The following TMEM132D variants were observed in gnomAD, a reference collection of about 807,000 sequenced individuals.
TMEM132D encodes mature OL transmembrane protein.
Under a neutral mutation model 62.3 loss-of-function variants are expected in TMEM132D, and 21 were observed. The observed-to-expected ratio is 0.34, with a 90% CI of 0.24 to 0.49. The LOEUF (loss-of-function observed/expected upper bound fraction) is 0.49. Among genes scored for constraint, TMEM132D ranks in the 20% least tolerant of loss-of-function variants. The probability of loss-of-function intolerance (pLI) is 0.99; values close to 1 mark genes in which losing one functional copy is unlikely to be tolerated. For synonymous variants in TMEM132D, 621 were observed against 575.6 expected, an observed-to-expected ratio of 1.08 and a Z score of -1.13; for missense variants, 1,346 against 1,402.8, an observed-to-expected ratio of 0.96 and a Z score of 0.65.
intron 2 of TMEM132D, among the ~76,000 whole-genome samples, chr12:129,669,661 T>C (rs1880455441): frequency 6.6e-6 from 1 of 152,086 alleles, no homozygotes; most frequent in South Asian, 2.1e-4. Context: ...GCCAAGATTA[T>C]GCCACTGCAC....
rs115947334 is a variant in TMEM132D, at chr12:129,578,672, G to T, written c.969-47467C>A. Among the ~76,000 whole-genome samples the T allele has an allele frequency of 4.1e-3, 622 of 152,148 alleles. 2 individuals are homozygous for T. The highest frequency in any genetic ancestry group is 0.014 in the African/African-American group (600 of 41,492). ...GACCCAGGAAAGGTGGTGATATCACGTGAAGGCCAGAGAACTGGGGAGCTA... is the reference window on the plus strand; with the variant it reads ...GACCCAGGAAAGGTGGTGATATCACTTGAAGGCCAGAGAACTGGGGAGCTA... On this transcript the variant is annotated intron_variant, in intron 2 of 8. Coordinates refer to ENST00000422113, the MANE Select transcript of TMEM132D (RefSeq NM_133448.3).
chr12:129,819,510 C>T (rs560331251), intron 1 of TMEM132D, among the ~76,000 whole-genome samples: 277 of 152,280 alleles, frequency 1.8e-3, no homozygotes, highest in Non-Finnish European at 3.4e-3. Flanking sequence ...GTTCTTCCTG[C>T]GGCATTCAGC....
At position 129,074,762 on chromosome 12, in the gene TMEM132D, T is replaced by A; in HGVS notation, c.2413A>T (p.Asn805Tyr). ...VKFGQNDANP[N>Y]TSDSRHTGAG... The stretch of plus-strand genomic sequence containing the variant: ...CCTGTGTGTCTGCTGTCACTGGTGT[T>A]GGGGTTAGCATCGTTTTGGCCAAAT... Residue 805 changes from asparagine to tyrosine, a missense_variant, in exon 9 of 9, where the codon AAC (asparagine) becomes TAC (tyrosine). Physicochemically the swap from Asn to Tyr is moderately radical, Grantham distance 143 (BLOSUM62 -2). Coordinates refer to ENST00000422113, the MANE Select transcript of TMEM132D (RefSeq NM_133448.3). 6 of 1,614,158 alleles carry A rather than the reference T, an allele frequency of 3.7e-6. No individual in the cohort carries two copies. The highest frequency in any genetic ancestry group is 5.1e-6 in the Non-Finnish European group (6 of 1,180,028).
At chr12:129,127,096 C>T (rs549962563) in intron 5 of TMEM132D, among the ~76,000 whole-genome samples, 4 of 152,184 alleles carry the variant, frequency 2.6e-5, no homozygotes, top group Admixed American at 1.3e-4. Context: ...AGTCTGAGAG[C>T]GAGAGAGCGG....
At chr12:129,209,460 A>G (rs1446094479) in intron 5 of TMEM132D, 60 bp downstream of exon 5, 4 of 1,601,220 alleles carry the variant, frequency 2.5e-6, no homozygotes, top group Non-Finnish European at 3.4e-6. Context: ...AAGCTGGTCC[A>G]GGAGCACAGA....
intron 1 of TMEM132D, among the ~76,000 whole-genome samples, chr12:129,716,340 A>G (rs979912569): frequency 2.0e-5 from 3 of 152,204 alleles, no homozygotes; most frequent in African/African-American, 4.8e-5. Context: ...GGAAAGGTCA[A>G]TGAGGTTCCC....
At chr12:129,264,904 G>T (rs1880645590) in intron 4 of TMEM132D, among the ~76,000 whole-genome samples, 1 of 152,100 alleles carries the variant, frequency 6.6e-6, no homozygotes, top group African/African-American at 2.4e-5. Flanking sequence ...ATGGACTTTG[G>T]GAACTTGGGG....
At chr12:129,151,211 CA>C (rs1877061001) in intron 5 of TMEM132D, among the ~76,000 whole-genome samples, 1 of 152,184 alleles carries the variant, frequency 6.6e-6, no homozygotes, top group African/African-American at 2.4e-5. Context: ...CTGCCTCTGC[CA>C]CAGCGATCCA....
At chr12:129,124,773 A>T (rs1330326989) in intron 5 of TMEM132D, among the ~76,000 whole-genome samples, 1 of 152,212 alleles carries the variant, frequency 6.6e-6, no homozygotes, top group Non-Finnish European at 1.5e-5. Flanking sequence ...TGCGGTGAAC[A>T]TCCTTGTACA....
At chr12:129,865,820 C>T (rs1302458251) in intron 1 of TMEM132D, among the ~76,000 whole-genome samples, 2 of 152,126 alleles carry the variant, frequency 1.3e-5, no homozygotes, top group Non-Finnish European at 2.9e-5. Flanking sequence ...ATTCAGCAGG[C>T]AAGGGAACAG....
chr12:129,129,761 A>G (rs1876317515), intron 5 of TMEM132D, among the ~76,000 whole-genome samples: 1 of 151,852 alleles, frequency 6.6e-6, no homozygotes, highest in Non-Finnish European at 1.5e-5. Context: ...GCATCTTTTC[A>G]TGTTCTTGTT....
intron 5 of TMEM132D, among the ~76,000 whole-genome samples, chr12:129,177,075 A>G (rs532460783): frequency 4.5e-4 from 69 of 152,316 alleles, no homozygotes; most frequent in Middle Eastern, 6.8e-3. Flanking sequence ...CTGAAAAGTA[A>G]CAGGCTAGCA....
chr12:129,351,866 ATACCAG>A (rs1485355765), intron 3 of TMEM132D, among the ~76,000 whole-genome samples: 8 of 152,172 alleles, frequency 5.3e-5, no homozygotes, highest in African/African-American at 1.9e-4. Flanking sequence ...AACCCTCACC[ATACCAG>A]TGCTCTCTGA....
intron 2 of TMEM132D, among the ~76,000 whole-genome samples, chr12:129,566,863 G>A (rs1286593009): frequency 1.3e-5 from 2 of 152,168 alleles, no homozygotes; most frequent in Admixed American, 6.6e-5. Context: ...TCCTGTCTAT[G>A]GAGTCCAGGT....
chr12:129,460,063 A>T (rs1593019117), intron 3 of TMEM132D, among the ~76,000 whole-genome samples: 1 of 152,192 alleles, frequency 6.6e-6, no homozygotes. Context: ...AGCAACAATG[A>T]CTCACTTTTG....
intron 3 of TMEM132D, among the ~76,000 whole-genome samples, chr12:129,462,945 C>T (rs1160003449): frequency 6.6e-6 from 1 of 152,132 alleles, no homozygotes; most frequent in Non-Finnish European, 1.5e-5. Flanking sequence ...GCCTGAGACT[C>T]AATGAACCCA....
chr12:129,628,186 T>C (rs1354794404), intron 2 of TMEM132D, among the ~76,000 whole-genome samples: 1 of 152,200 alleles, frequency 6.6e-6, no homozygotes. Flanking sequence ...AACAAGAATA[T>C]CACATGTGTT....
Position 129,439,299 on chromosome 12 carries a change from T to A in TMEM132D, c.1115+91760A>T, listed in dbSNP as rs548011769. Among the ~76,000 whole-genome samples, 9 of 152,342 alleles carry A rather than the reference T, an allele frequency of 5.9e-5. No homozygotes were observed. In the South Asian group the frequency reaches 1.9e-3, roughly 32 times the overall value. ...CTGTTTGTATTTTATTATGAGTCATTATTTTTAAACATTTAGTTTTTCCCT... is the reference window on the plus strand; with the variant it reads ...CTGTTTGTATTTTATTATGAGTCATAATTTTTAAACATTTAGTTTTTCCCT... On this transcript the variant is annotated intron_variant, in intron 3 of 8. Coordinates refer to ENST00000422113, the MANE Select transcript of TMEM132D (RefSeq NM_133448.3).
chr12:129,304,296 G>C (rs7978036), intron 4 of TMEM132D, among the ~76,000 whole-genome samples: 49,317 of 150,194 alleles, frequency 0.33, 8,528 homozygotes, highest in Non-Finnish European at 0.39. Flanking sequence ...CATATCCTCC[G>C]ATACCGTGCA....
Sources: allele counts gnomAD v4.1 joint callset (sites outside exome capture counted in the v4.1 genomes callset), GRCh38; gene constraint gnomAD v4.1.1; transcripts MANE v1.5; gene names NCBI Gene and HGNC (gene_info 2026-07-23, HGNC 2026-07-21).